The following BDNF variants were observed in gnomAD, a reference collection of about 807,000 sequenced individuals.
The protein encoded by BDNF is neurotrophic factor BDNF precursor form.
In BDNF, 1 loss-of-function variant was observed where a neutral mutation model predicts 19.5. The ratio of observed to expected loss-of-function variants is 0.05; its 90% confidence interval spans 0.02 to 0.24. The LOEUF (loss-of-function observed/expected upper bound fraction) is 0.24. Ranked by LOEUF, BDNF falls within the 10% of genes least tolerant of loss-of-function variation. The pLI is 1.00. For missense variants in BDNF, 195 were observed against 317.6 expected, an observed-to-expected ratio of 0.61 and a Z score of 2.93; for synonymous variants, 100 against 121.6, an observed-to-expected ratio of 0.82 and a Z score of 1.17.
chr11:27,690,446 C>A (rs1316274156), intron 1 of BDNF, among the ~76,000 whole-genome samples: 1 of 152,108 alleles, frequency 6.6e-6, no homozygotes, highest in Non-Finnish European at 1.5e-5. Context: ...GATTCACACA[C>A]ACACACACAC....
At chr11:27,702,095 G>C (rs1268160921), upstream of BDNF, among the ~76,000 whole-genome samples, 1 of 152,088 alleles carries the variant, frequency 6.6e-6, no homozygotes, top group Non-Finnish European at 1.5e-5. Flanking sequence ...TTATCCATTT[G>C]ATGAACTCTG....
chr11:27,686,922 T>C (rs1275101104), intron 1 of BDNF, among the ~76,000 whole-genome samples: 1 of 152,190 alleles, frequency 6.6e-6, no homozygotes, highest in African/African-American at 2.4e-5. Flanking sequence ...TGTGGTGTTC[T>C]CTGTATTTCC....
rs773531757 is a variant in BDNF, at chr11:27,674,195, C to T, written c.-21-15610G>A. On this transcript the variant is annotated intron_variant, in intron 1 of 1. Coordinates refer to ENST00000356660, the MANE Select transcript of BDNF (RefSeq NM_001709.5). Reference sequence around the variant, plus strand: ...GGTAGACGCCAAAACATGTGTGGACCTGCAACCCTTTCTGTAGAAACTCAG... The same window carrying T: ...GGTAGACGCCAAAACATGTGTGGACTTGCAACCCTTTCTGTAGAAACTCAG... 2.6e-5 allele frequency: 41 copies of T among 1,606,432 alleles called. No homozygotes were observed. The highest frequency in any genetic ancestry group is 3.2e-5 in the Non-Finnish European group (38 of 1,176,154).
At chr11:27,684,643 A>ATATTATT in intron 1 of BDNF, among the ~76,000 whole-genome samples, 1 of 152,212 alleles carries the variant, frequency 6.6e-6, no homozygotes, top group Non-Finnish European at 1.5e-5. Flanking sequence ...CCTTTTCTGC[A>ATATTATT]TCTATTGAAA....
At chr11:27,662,149 C>T (rs1034027209) in intron 1 of BDNF, among the ~76,000 whole-genome samples, 1 of 152,124 alleles carries the variant, frequency 6.6e-6, no homozygotes, top group Admixed American at 6.5e-5. Context: ...TACAGGCGCC[C>T]ACCACCATGC....
chr11:27,688,816 G>C (rs1325464737), intron 1 of BDNF, among the ~76,000 whole-genome samples: 1 of 152,164 alleles, frequency 6.6e-6, no homozygotes, highest in Non-Finnish European at 1.5e-5. Flanking sequence ...CTTCTGCATT[G>C]ATCTCTCTGG....
At chr11:27,716,845 C>A (rs1445886324) in intron 1 of BDNF, among the ~76,000 whole-genome samples, 1 of 152,096 alleles carries the variant, frequency 6.6e-6, no homozygotes, top group Admixed American at 6.5e-5. Flanking sequence ...GCAATATGAT[C>A]GAGTGAATGT....
chr11:27,719,433 G>T, intron 1 of BDNF: 2 of 984,590 alleles, frequency 2.0e-6, no homozygotes, highest in Non-Finnish European at 2.4e-6. Context: ...CCCGCTCTCT[G>T]GCTCTTCGGT....
rs548500317 is a variant in BDNF at position 27,672,607 on chromosome 11, A to G, written c.-21-14022T>C. On this transcript the variant is annotated intron_variant, in intron 1 of 1. Transcript: ENST00000356660. Reference sequence around the variant, plus strand: ...GCAAAATAATACAGCAGCAGCAGCAACAACAACAATGAAATATTAAAATAG... The same window carrying G: ...GCAAAATAATACAGCAGCAGCAGCAGCAACAACAATGAAATATTAAAATAG... 6.7e-4 allele frequency among the ~76,000 whole-genome samples: 102 copies of G among 152,206 alleles called. 1 individual carries two copies. Among genetic ancestry groups the G allele is most frequent in the Non-Finnish European group, 1.2e-3 (85 of 68,040 alleles).
chr11:27,701,649 G>T, upstream of BDNF: 1 of 985,470 alleles, frequency 1.0e-6, no homozygotes, highest in Non-Finnish European at 1.2e-6. Flanking sequence ...TCCACGAGAG[G>T]GCTCCACGGT....
chr11:27,690,104 G>T (rs1221503123), intron 1 of BDNF, among the ~76,000 whole-genome samples: 2 of 152,090 alleles, frequency 1.3e-5, no homozygotes, highest in Admixed American at 6.5e-5. Context: ...ACATTTTAAT[G>T]ATTAATAAAA....
chr11:27,691,993 AC>A (rs1358699755), intron 1 of BDNF, among the ~76,000 whole-genome samples: 1 of 152,172 alleles, frequency 6.6e-6, no homozygotes, highest in African/African-American at 2.4e-5. Context: ...TTTGATAAGA[AC>A]TTTTTTTTCC....
intron 1 of BDNF, among the ~76,000 whole-genome samples, chr11:27,668,950 C>T (rs1854845956): frequency 6.6e-6 from 1 of 152,006 alleles, no homozygotes; most frequent in African/African-American, 2.4e-5. Flanking sequence ...GACAGAGACA[C>T]AACAAAAAAA....
chr11:27,681,558 G>A (rs1378400917), intron 1 of BDNF, among the ~76,000 whole-genome samples: 1 of 152,112 alleles, frequency 6.6e-6, no homozygotes, highest in Non-Finnish European at 1.5e-5. Context: ...TGAAGAATGA[G>A]TAGAATTCAG....
At chr11:27,698,664 TC>T (rs1300262389) in intron 1 of BDNF, among the ~76,000 whole-genome samples, 7 of 152,172 alleles carry the variant, frequency 4.6e-5, no homozygotes, top group Non-Finnish European at 4.4e-5. Flanking sequence ...TAATATCATG[TC>T]GCCTTTTATA....
chr11:27,719,959 A>G (rs1860686312), intron 1 of BDNF, among the ~76,000 whole-genome samples: 1 of 152,046 alleles, frequency 6.6e-6, no homozygotes, highest in African/African-American at 2.4e-5. Context: ...ACAAAGTCAA[A>G]TTTTAGGAAT....
intron 1 of BDNF, among the ~76,000 whole-genome samples, chr11:27,672,861 G>A (rs1260877703): frequency 6.6e-6 from 1 of 152,118 alleles, no homozygotes; most frequent in Non-Finnish European, 1.5e-5. Context: ...GATGGGGGCA[G>A]CTTTGCAAGT....
intron 1 of BDNF, among the ~76,000 whole-genome samples, chr11:27,711,067 G>T (rs974053060): frequency 6.6e-5 from 10 of 152,166 alleles, no homozygotes; most frequent in Non-Finnish European, 1.3e-4. Flanking sequence ...GTGATTTGCA[G>T]ATTAGTGATT....
intron 1 of BDNF, chr11:27,699,557 C>T: frequency 6.5e-7 from 1 of 1,548,722 alleles, no homozygotes. Flanking sequence ...TGTCGCAGAC[C>T]CTTTCAGTTC....
Sources: gnomAD v4.1 joint callset for allele counts (sites outside exome capture counted in the v4.1 genomes callset) on GRCh38, gnomAD v4.1.1 for gene constraint, MANE v1.5 for transcripts, NCBI Gene and HGNC (gene_info 2026-07-23, HGNC 2026-07-21) for gene names.